Variants in CDK17 observed in about 807,000 individuals in gnomAD.
CDK17 encodes cyclin-dependent kinase 17.
In CDK17, 24 loss-of-function variants were observed where a neutral mutation model predicts 77.6. The observed-to-expected ratio is 0.31, with a 90% CI of 0.22 to 0.44. The LOEUF (loss-of-function observed/expected upper bound fraction) is 0.44, where lower values mean the gene tolerates loss of function less well. CDK17 is among the 20% of genes least tolerant of loss of function. CDK17 has a pLI of 1.00. For missense variants in CDK17, 429 were observed against 622.5 expected, an observed-to-expected ratio of 0.69 and a Z score of 3.31; for synonymous variants, 203 against 210.4, an observed-to-expected ratio of 0.96 and a Z score of 0.30.
At chr12:96,348,247 G>A (rs377386696) in intron 1 of CDK17, among the ~76,000 whole-genome samples, 95 of 152,190 alleles carry the variant, frequency 6.2e-4, no homozygotes, top group African/African-American at 2.2e-3. Context: ...ACAGAAAGTT[G>A]GTTCTTTAAA....
Position 96,295,073 on chromosome 12 carries a change from T to C in CDK17, c.923A>G (p.Lys308Arg). The C allele has an allele frequency of 6.2e-7, 1 of 1,611,764 alleles. No homozygotes were observed. Among genetic ancestry groups the C allele is most frequent in the Non-Finnish European group, 8.5e-7 (1 of 1,178,232 alleles). The stretch of plus-strand genomic sequence containing the variant: ...TGGTTTCAAGTCTCGATGCAATACC[T>C]TTCTTCTATGGCAATATGCCAAACC... Reference protein sequence around the residue: ...LRGLAYCHRRKVLHRDLKPQN... With the variant: ...LRGLAYCHRRRVLHRDLKPQN... Residue 308 changes from lysine (K) to arginine (R), a missense_variant, in exon 10 of 17, where the codon AAG becomes AGG. Physicochemically the swap from Lys to Arg is conservative, Grantham distance 26 (BLOSUM62 2). Transcript: ENST00000261211.
chr12:96,317,266 T>C (rs1476036677), intron 3 of CDK17, among the ~76,000 whole-genome samples: 1 of 145,010 alleles, frequency 6.9e-6, no homozygotes, highest in Non-Finnish European at 1.5e-5. Flanking sequence ...TAAAAAGAAA[T>C]GAGCAAAGCC....
chr12:96,290,887 T>A (rs930878575), intron 10 of CDK17, among the ~76,000 whole-genome samples: 1 of 152,292 alleles, frequency 6.6e-6, no homozygotes, highest in Middle Eastern at 3.4e-3. Context: ...CTGGTTGGAA[T>A]GAAATGAAAC....
At chr12:96,393,946 G>C (rs1259732244) in intron 1 of CDK17, among the ~76,000 whole-genome samples, 1 of 151,904 alleles carries the variant, frequency 6.6e-6, no homozygotes. Context: ...GCTGTTACTT[G>C]ATAGTTTCTC....
chr12:96,370,915 C>G (rs912023517), intron 1 of CDK17, among the ~76,000 whole-genome samples: 1 of 152,014 alleles, frequency 6.6e-6, no homozygotes, highest in Non-Finnish European at 1.5e-5. Context: ...AGAGTATAAA[C>G]AGGTCCTGAG....
intron 1 of CDK17, among the ~76,000 whole-genome samples, chr12:96,355,398 GTTTTT>G (rs58937020): frequency 0.025 from 1,836 of 72,572 alleles, 29 homozygotes; most frequent in Non-Finnish European, 0.034. Context: ...TCTACATTGG[GTTTTT>G]TTTTTTTTTT....
chr12:96,314,274 T>A (rs760059892), intron 3 of CDK17, among the ~76,000 whole-genome samples: 1 of 152,234 alleles, frequency 6.6e-6, no homozygotes, highest in Non-Finnish European at 1.5e-5. Flanking sequence ...CATGGCTCAC[T>A]GCAGCCTCTA....
chr12:96,390,100 T>C (rs746609591), intron 1 of CDK17, among the ~76,000 whole-genome samples: 7 of 151,638 alleles, frequency 4.6e-5, no homozygotes, highest in Admixed American at 1.3e-4. Flanking sequence ...AGTGCTGGGA[T>C]TACAAGTGTG....
At chr12:96,392,919 T>C (rs1954094454) in intron 1 of CDK17, among the ~76,000 whole-genome samples, 1 of 152,144 alleles carries the variant, frequency 6.6e-6, no homozygotes, top group Non-Finnish European at 1.5e-5. Flanking sequence ...TGTTACAATA[T>C]TGCCACATTA....
intron 14 of CDK17, among the ~76,000 whole-genome samples, chr12:96,283,159 C>G (rs11835570): frequency 0.14 from 21,048 of 152,088 alleles, 1,624 homozygotes; most frequent in South Asian, 0.28. Flanking sequence ...GGAAAGAAAC[C>G]TTGTAGGGGT....
intron 1 of CDK17, among the ~76,000 whole-genome samples, chr12:96,372,821 C>T (rs1218982557): frequency 1.3e-5 from 2 of 152,026 alleles, no homozygotes; most frequent in Non-Finnish European, 2.9e-5. Flanking sequence ...AAATGATAGC[C>T]TTTAAAAAAT....
At chr12:96,354,931 G>A (rs955439637) in intron 1 of CDK17, among the ~76,000 whole-genome samples, 7 of 151,794 alleles carry the variant, frequency 4.6e-5, no homozygotes, top group African/African-American at 1.2e-4. Context: ...TGCTCCCACC[G>A]CAACACCTCT....
At chr12:96,284,823 C>G (rs151028191) in intron 13 of CDK17, among the ~76,000 whole-genome samples, 2 of 152,062 alleles carry the variant, frequency 1.3e-5, no homozygotes, top group South Asian at 4.1e-4. Context: ...CTTGGCCCCC[C>G]TAAAGTGCTG....
chr12:96,283,316 G>C (rs1952200461), intron 14 of CDK17, among the ~76,000 whole-genome samples: 1 of 152,152 alleles, frequency 6.6e-6, no homozygotes, highest in Non-Finnish European at 1.5e-5. Flanking sequence ...ATAAGGAAAA[G>C]AGAACATAAG....
In CDK17 at chr12:96,368,806, CGGGGGGGGG is replaced by C. The variant is rs113976893; in HGVS notation, c.-30+31171_-30+31179del. ...AATTTAGAAAGAAGCTACTCTAAGA[CGGGGGGGGG>C]GGGGGGGGGCACAATGAATAAGGCT... is the stretch of plus-strand genomic sequence containing the variant. On this transcript the variant is annotated intron_variant, in intron 1 of 16. Coordinates refer to ENST00000261211, the MANE Select transcript of CDK17 (RefSeq NM_002595.5). 1.8e-3 allele frequency among the ~76,000 whole-genome samples: 122 copies of C among 67,584 alleles called. 32 individuals carry two copies. The East Asian group carries it at 0.14, about 78-fold the overall frequency. The allele number at this position is 67,584 out of a possible 152,430, so 44.3% of individuals were successfully genotyped here. A position where few individuals can be genotyped will look rare whatever the true frequency, so the allele number is the denominator to read the frequency against.
intron 1 of CDK17, among the ~76,000 whole-genome samples, chr12:96,343,094 A>AT (rs1953146059): frequency 6.6e-6 from 1 of 152,252 alleles, no homozygotes; most frequent in East Asian, 1.9e-4. Context: ...CAAAAATACC[A>AT]TAAGAAAGAC....
intron 1 of CDK17, among the ~76,000 whole-genome samples, chr12:96,366,827 T>C (rs532440134): frequency 9.2e-5 from 14 of 152,292 alleles, no homozygotes; most frequent in Admixed American, 2.0e-4. Context: ...TCTGGATCTT[T>C]TTCTCTTTTT....
Position 96,327,197 on chromosome 12 carries a change from T to C in CDK17, c.119-3085A>G, listed in dbSNP as rs1453600768. ...TAAGATGGAACCAATGGTGGGGGGATTGGGAGAAGGGTACAAGTATGGGTC... is the reference window on the plus strand; with the variant it reads ...TAAGATGGAACCAATGGTGGGGGGACTGGGAGAAGGGTACAAGTATGGGTC... On this transcript the variant is annotated intron_variant, in intron 2 of 16. Transcript: ENST00000261211. Among the ~76,000 whole-genome samples, 7 of 152,134 alleles carry C rather than the reference T, an allele frequency of 4.6e-5. No individual in the cohort carries two copies. In the South Asian group the frequency reaches 1.5e-3, roughly 32 times the overall value.
intron 1 of CDK17, chr12:96,398,997 A>G (rs572526046): frequency 1.3e-5 from 2 of 152,258 alleles, no homozygotes; most frequent in South Asian, 4.2e-4. Context: ...GGGTGGGAGG[A>G]AGAGAGAGAA....
Sources: gnomAD v4.1 joint callset for allele counts (sites outside exome capture counted in the v4.1 genomes callset) on GRCh38, gnomAD v4.1.1 for gene constraint, MANE v1.5 for transcripts, NCBI Gene and HGNC (gene_info 2026-07-23, HGNC 2026-07-21) for gene names.